Variants in EPCAM observed in about 807,000 individuals in gnomAD.
EPCAM encodes adenocarcinoma-associated antigen.
EPCAM carries 39 observed loss-of-function variants against 40.0 expected under a neutral mutation model. That is an observed-to-expected ratio of 0.98 (90% CI 0.76 to 1.27). EPCAM has a LOEUF of 1.27. Among genes scored for constraint, EPCAM ranks in the 50% most tolerant of loss-of-function variants. The probability of loss-of-function intolerance (pLI) is 0.00; values close to 1 mark genes in which losing one functional copy is unlikely to be tolerated. For missense variants in EPCAM, 503 were observed against 381.2 expected, an observed-to-expected ratio of 1.32 and a Z score of -2.66; for synonymous variants, 168 against 132.3, an observed-to-expected ratio of 1.27 and a Z score of -1.85.
chr2:47,384,807 AGCAATTCTGGT>A (rs1477109514), intron 7 of EPCAM, among the ~76,000 whole-genome samples: 2 of 152,146 alleles, frequency 1.3e-5, no homozygotes, highest in Non-Finnish European at 2.9e-5. Context: ...CCTGGGTTCA[AGCAATTCTGGT>A]GCCTTAGCCT....
intron 7 of EPCAM, chr2:47,383,539 G>A (rs997832176): frequency 2.1e-5 from 3 of 139,762 alleles, no homozygotes; most frequent in African/African-American, 5.3e-5. Flanking sequence ...TCATCACCTC[G>A]TGATCCGCCT....
At chr2:47,370,667 G>T (rs1671237368) in intron 1 of EPCAM, among the ~76,000 whole-genome samples, 1 of 151,984 alleles carries the variant, frequency 6.6e-6, no homozygotes, top group African/African-American at 2.4e-5. Flanking sequence ...ACGCCTCCCG[G>T]CCTCAGACCA....
At chr2:47,369,616 G>A in intron 1 of EPCAM, 35 bp downstream of exon 1, 1 of 1,563,478 alleles carries the variant, frequency 6.4e-7, no homozygotes, top group East Asian at 2.3e-5. Flanking sequence ...TGTGGAGCTG[G>A]GCTGGGCTGG....
intron 7 of EPCAM, among the ~76,000 whole-genome samples, chr2:47,380,808 G>A (rs1671565796): frequency 6.6e-6 from 1 of 152,104 alleles, no homozygotes; most frequent in Non-Finnish European, 1.5e-5. Flanking sequence ...ACTAACACTG[G>A]CCAGGTGTGA....
At chr2:47,384,911 T>G (rs1671699681) in intron 7 of EPCAM, among the ~76,000 whole-genome samples, 1 of 152,152 alleles carries the variant, frequency 6.6e-6, no homozygotes, top group African/African-American at 2.4e-5. Flanking sequence ...TTCACCGTGT[T>G]GGCTGGGCTG....
At position 47,378,046 on chromosome 2, in the gene EPCAM, C is replaced by G. The variant is rs1157275294; in HGVS notation, c.556-907C>G. Among the ~76,000 whole-genome samples, 7 of 152,088 alleles carry G rather than the reference C, an allele frequency of 4.6e-5. No individual in the cohort carries two copies. The East Asian group carries it at 9.8e-4, about 21-fold the overall frequency. On this transcript the variant is annotated intron_variant, in intron 5 of 8. Transcript: ENST00000263735. ...AGGAGATCGAGACCATCGTGGCTAACACAGTGAAACCCTGTCTCTACTAAA... is the reference window on the plus strand; with the variant it reads ...AGGAGATCGAGACCATCGTGGCTAAGACAGTGAAACCCTGTCTCTACTAAA...
chr2:47,379,636 AT>A, intron 6 of EPCAM, 132 bp from the exon 7 acceptor site: 1 of 1,055,426 alleles, frequency 9.5e-7, no homozygotes, highest in East Asian at 2.6e-5. Flanking sequence ...GTTCCAATAA[AT>A]TAGATTGTTA....
At chr2:47,385,240 G>A (rs748418390) in intron 8 of EPCAM, 30 bp downstream of exon 8, 1 of 1,582,184 alleles carries the variant, frequency 6.3e-7, no homozygotes, top group Non-Finnish European at 8.7e-7. Context: ...AAATAGAAAG[G>A]CCCTGTTGAA....
intron 4 of EPCAM, among the ~76,000 whole-genome samples, chr2:47,376,253 C>A (rs922126398): frequency 7.6e-5 from 11 of 144,206 alleles, no homozygotes; most frequent in Non-Finnish European, 1.6e-4. Context: ...GATATTTCCT[C>A]CTTTTTTTTT....
chr2:47,372,886 G>T (rs1480617758), intron 1 of EPCAM, among the ~76,000 whole-genome samples: 1 of 151,734 alleles, frequency 6.6e-6, no homozygotes, highest in Non-Finnish European at 1.5e-5. Context: ...ATGATACTTG[G>T]AGAGCTGTGT....
intron 1 of EPCAM, 99 bp from the exon 2 acceptor site, chr2:47,373,363 TC>T: frequency 1.3e-6 from 1 of 796,110 alleles, no homozygotes; most frequent in Non-Finnish European, 2.1e-6. Context: ...AGGTTTTGTG[TC>T]CTTGTAACTT....
rs1558435899 is a variant in EPCAM at position 47,375,298 on chromosome 2, A to G, written c.490A>G (p.Thr164Ala). The G allele has an allele frequency of 6.2e-7, 1 of 1,604,012 alleles. No individual in the cohort carries two copies. The highest frequency in any genetic ancestry group is 2.2e-5 in the East Asian group (1 of 44,780). Residue 164 changes from threonine to alanine, a missense_variant and splice_region_variant, in exon 4 of 9, where the codon ACT becomes GCT. Coordinates refer to ENST00000263735, the MANE Select transcript of EPCAM (RefSeq NM_002354.3). ...ACCTTATGATAGTAAAAGTTTGCGG[A>G]CGTAAGTGCAATTAAATGCATCATA... ...EKPYDSKSLR[T>A]ALQKEITTRY...
intron 5 of EPCAM, among the ~76,000 whole-genome samples, chr2:47,378,323 C>T (rs1269176016): frequency 5.5e-5 from 7 of 126,468 alleles, no homozygotes; most frequent in Non-Finnish European, 9.7e-5. Flanking sequence ...TTTTTTGAGA[C>T]GGAGTTTCGC....
rs943443398 is a variant in EPCAM at position 47,375,219 on chromosome 2, C to G, written c.426-15C>G. 3.8e-6 allele frequency: 6 copies of G among 1,572,956 alleles called. No individual in the cohort carries two copies. The African/African-American group carries it at 8.1e-5, about 21-fold the overall frequency. ...CTGAGTTATAGTCAACTGACATTGT[C>G]TTTTTACTTTATAGCTGGATCATCA... On this transcript the variant is annotated splice_polypyrimidine_tract_variant and intron_variant, in intron 3 of 8. Coordinates refer to ENST00000263735, the MANE Select transcript of EPCAM (RefSeq NM_002354.3).
intron 1 of EPCAM, 37 bp downstream of exon 1, chr2:47,369,618 C>G (rs764645465): frequency 3.3e-5 from 51 of 1,561,630 alleles, no homozygotes; most frequent in Non-Finnish European, 4.3e-5. Flanking sequence ...TGGAGCTGGG[C>G]TGGGCTGGGG....
At chr2:47,375,433 A>G (rs879304518) in intron 4 of EPCAM, 134 bp downstream of exon 4, 27 of 678,786 alleles carry the variant, frequency 4.0e-5, no homozygotes, top group Middle Eastern at 6.3e-4. Flanking sequence ...TAGAGTTGCA[A>G]GAATAGCACA....
chr2:47,369,340 A>G lies in EPCAM; in HGVS notation c.-166A>G. 1 of 1,273,844 alleles carries G rather than the reference A, an allele frequency of 7.9e-7. No homozygotes were observed. The highest frequency in any genetic ancestry group is 1.0e-6 in the Non-Finnish European group (1 of 974,382). The allele number at this position is 1,273,844 out of a possible 1,614,324, so 78.9% of individuals were successfully genotyped here. On this transcript the variant is annotated 5_prime_UTR_variant, in exon 1 of 9. Coordinates refer to ENST00000263735, the MANE Select transcript of EPCAM (RefSeq NM_002354.3). ...AGCGCTAGTCCTTCGGCGAGCGAGC[A>G]CCTTCGACGCGGTCCGGGGACCCCC... is the stretch of plus-strand genomic sequence containing the variant.
In EPCAM at chr2:47,369,492, G is replaced by GGC. The variant is rs1298156580; in HGVS notation, c.-5_-4dup. The GGC allele has an allele frequency of 2.0e-6, 3 of 1,526,470 alleles. No homozygotes were observed. The highest frequency in any genetic ancestry group is 2.8e-5 in the African/African-American group (2 of 70,812). 94.6% of individuals were successfully genotyped at this position (1,526,470 alleles called of 1,614,324 possible). On this transcript the variant is annotated 5_prime_UTR_variant, in exon 1 of 9. Coordinates refer to ENST00000263735, the MANE Select transcript of EPCAM (RefSeq NM_002354.3). ...GGGCCCCTCCCGCGCCCCTCTTCTC[G>GGC]GCGCGCGCGCAGCATGGCGCCCCCG...
At chr2:47,373,293 T>G (rs180930233) in intron 1 of EPCAM, among the ~76,000 whole-genome samples, 170 bp from the exon 2 acceptor site, 5 of 149,012 alleles carry the variant, frequency 3.4e-5, no homozygotes, top group African/African-American at 1.2e-4. Flanking sequence ...CTTTAGCAAG[T>G]GCCAGGCACT....
Sources: gnomAD v4.1 joint callset for allele counts (sites outside exome capture counted in the v4.1 genomes callset) on GRCh38, gnomAD v4.1.1 for gene constraint, MANE v1.5 for transcripts, NCBI Gene and HGNC (gene_info 2026-07-23, HGNC 2026-07-21) for gene names.